The following ADGRL3 variants were observed in gnomAD, a reference collection of about 807,000 sequenced individuals.
The protein encoded by ADGRL3 is calcium-independent alpha-latrotoxin receptor 3.
ADGRL3 carries 62 observed loss-of-function variants against 153.5 expected under a neutral mutation model. The observed-to-expected ratio is 0.40, with a 90% CI of 0.33 to 0.50. ADGRL3 has a LOEUF of 0.50. Among genes scored for constraint, ADGRL3 ranks in the 20% least tolerant of loss-of-function variants. The probability of loss-of-function intolerance (pLI) is 0.47; values close to 1 mark genes in which losing one functional copy is unlikely to be tolerated. For missense variants in ADGRL3, 1,641 were observed against 1,859.4 expected, an observed-to-expected ratio of 0.88 and a Z score of 2.16; for synonymous variants, 710 against 672.5, an observed-to-expected ratio of 1.06 and a Z score of -0.86.
At chr4:61,553,429 A>G (rs2098749529) in intron 4 of ADGRL3, among the ~76,000 whole-genome samples, 1 of 152,222 alleles carries the variant, frequency 6.6e-6, no homozygotes, top group African/African-American at 2.4e-5. Context: ...AGTTCGATAA[A>G]ATAATACAAC....
chr4:62,059,385 T>C (rs1010414952), intron 25 of ADGRL3, among the ~76,000 whole-genome samples: 3 of 152,148 alleles, frequency 2.0e-5, no homozygotes, highest in African/African-American at 7.2e-5. Context: ...CTCATTTGAA[T>C]TATAACCCTC....
chr4:61,912,547 G>A (rs775235990), intron 12 of ADGRL3, among the ~76,000 whole-genome samples, 172 bp from the exon 13 acceptor site: 2 of 152,106 alleles, frequency 1.3e-5, no homozygotes, highest in African/African-American at 4.8e-5. Context: ...TATTTTTTAA[G>A]CCATTGCTTG....
intron 2 of ADGRL3, among the ~76,000 whole-genome samples, chr4:61,476,108 C>CT (rs1487996377): frequency 2.0e-5 from 3 of 152,174 alleles, no homozygotes; most frequent in Admixed American, 6.6e-5. Flanking sequence ...CCATAGTACT[C>CT]TGTCTTCTGG....
chr4:61,759,404 C>T (rs956568642), intron 8 of ADGRL3, among the ~76,000 whole-genome samples: 8 of 152,094 alleles, frequency 5.3e-5, no homozygotes, highest in East Asian at 1.9e-4. Flanking sequence ...CTTCCCTTCT[C>T]GCTTCATTTC....
At chr4:61,467,985 C>G (rs1200547571) in intron 2 of ADGRL3, among the ~76,000 whole-genome samples, 1 of 151,986 alleles carries the variant, frequency 6.6e-6, no homozygotes, top group Admixed American at 6.6e-5. Flanking sequence ...TATTTGTGTG[C>G]TAGGGTAGCA....
intron 23 of ADGRL3, among the ~76,000 whole-genome samples, chr4:62,033,260 G>GTT (rs142071329): frequency 1.3e-5 from 2 of 150,512 alleles, no homozygotes; most frequent in African/African-American, 4.9e-5. Flanking sequence ...TACTCATTTT[G>GTT]TTTTTTTTTA....
chr4:61,921,022 G>A (rs551767773), intron 13 of ADGRL3, among the ~76,000 whole-genome samples: 2 of 151,836 alleles, frequency 1.3e-5, no homozygotes, highest in African/African-American at 4.8e-5. Flanking sequence ...CAGTTTTACT[G>A]TAATAAACTA....
chr4:61,756,419 TTGTC>T (rs1358622300), intron 8 of ADGRL3, among the ~76,000 whole-genome samples: 3 of 152,186 alleles, frequency 2.0e-5, no homozygotes, highest in Non-Finnish European at 4.4e-5. Context: ...GGCTCTCTGT[TTGTC>T]TGTTATTGGT....
At chr4:61,420,566 C>T (rs980845436) in intron 2 of ADGRL3, 1 of 151,664 alleles carries the variant, frequency 6.6e-6, no homozygotes, top group African/African-American at 2.4e-5. Context: ...GCCACCACGT[C>T]CGGCTAATTT....
At chr4:61,415,116 A>C (rs770931428) in intron 2 of ADGRL3, among the ~76,000 whole-genome samples, 1 of 151,914 alleles carries the variant, frequency 6.6e-6, no homozygotes, top group Non-Finnish European at 1.5e-5. Flanking sequence ...TTATAAAAAC[A>C]TAACATTTAG....
intron 1 of ADGRL3, among the ~76,000 whole-genome samples, chr4:61,375,491 C>T (rs564684546): frequency 2.0e-5 from 3 of 152,192 alleles, no homozygotes; most frequent in Admixed American, 2.0e-4. Context: ...ATCAAGTGTA[C>T]TCCCTGAGTT....
intron 22 of ADGRL3, 134 bp downstream of exon 22, chr4:62,029,015 A>G: frequency 2.8e-6 from 2 of 726,038 alleles, no homozygotes; most frequent in Non-Finnish European, 4.4e-6. Context: ...TGTGCAGGAA[A>G]ATAATCTGGC....
intron 6 of ADGRL3, among the ~76,000 whole-genome samples, chr4:61,683,745 T>G (rs556593428): frequency 1.3e-5 from 2 of 152,280 alleles, no homozygotes; most frequent in East Asian, 3.9e-4. Flanking sequence ...CTTTCAGGCT[T>G]TAAACTGTCT....
chr4:61,296,968 C>T lies in ADGRL3; in HGVS notation c.-239-86156C>T, dbSNP rs1222353253. 3.3e-5 allele frequency among the ~76,000 whole-genome samples: 5 copies of T among 152,172 alleles called. 1 individual carries two copies. The highest frequency in any genetic ancestry group is 5.9e-5 in the Non-Finnish European group (4 of 68,012). On this transcript the variant is annotated intron_variant, in intron 1 of 26. Transcript: ENST00000683033. Reference sequence around the variant, plus strand: ...TATTGATACTATTTGAAAACGGTCACTATTTCAAAAGAGAAAGATCACTTT... The same window carrying T: ...TATTGATACTATTTGAAAACGGTCATTATTTCAAAAGAGAAAGATCACTTT...
intron 1 of ADGRL3, among the ~76,000 whole-genome samples, chr4:61,339,543 T>G (rs1486721509): frequency 1.3e-5 from 2 of 152,208 alleles, no homozygotes; most frequent in East Asian, 3.8e-4. Flanking sequence ...GATGCATTAA[T>G]TCACAGAGGT....
intron 2 of ADGRL3, among the ~76,000 whole-genome samples, chr4:61,460,108 T>C (rs541612892): frequency 7.2e-5 from 11 of 152,294 alleles, no homozygotes; most frequent in Non-Finnish European, 1.5e-4. Context: ...GTTTTTGTTT[T>C]TGTTGCCTGT....
intron 5 of ADGRL3, among the ~76,000 whole-genome samples, chr4:61,648,680 T>G (rs2094136203): frequency 6.6e-6 from 1 of 152,032 alleles, no homozygotes; most frequent in Admixed American, 6.6e-5. Flanking sequence ...ATATAAAACA[T>G]CATTGCCTTT....
intron 21 of ADGRL3, among the ~76,000 whole-genome samples, chr4:62,000,891 C>T (rs2151094193): frequency 6.6e-6 from 1 of 152,108 alleles, no homozygotes; most frequent in African/African-American, 2.4e-5. Context: ...AAGATACCCT[C>T]CCACCTCAGC....
At chr4:61,658,513 G>A (rs1354838417) in intron 5 of ADGRL3, among the ~76,000 whole-genome samples, 1 of 152,070 alleles carries the variant, frequency 6.6e-6, no homozygotes, top group Non-Finnish European at 1.5e-5. Flanking sequence ...CACAAGATAA[G>A]TTAAGGAAAA....
Sources: gnomAD v4.1 joint callset for allele counts (sites outside exome capture counted in the v4.1 genomes callset) on GRCh38, gnomAD v4.1.1 for gene constraint, MANE v1.5 for transcripts, NCBI Gene and HGNC (gene_info 2026-07-23, HGNC 2026-07-21) for gene names.